The following SGCZ variants were observed in gnomAD, a reference collection of about 807,000 sequenced individuals.
The protein encoded by SGCZ is sarcoglycan zeta, also known as zeta-sarcoglycan.
SGCZ carries 40 observed loss-of-function variants against 41.3 expected under a neutral mutation model. That is an observed-to-expected ratio of 0.97 (90% CI 0.75 to 1.26). The LOEUF (loss-of-function observed/expected upper bound fraction) is 1.26. Ranked by LOEUF, SGCZ falls within the 50% of genes most tolerant of loss-of-function variation. The pLI, the probability that SGCZ is intolerant of heterozygous loss-of-function variation, is 0.00. For missense variants in SGCZ, 552 were observed against 369.8 expected (o/e 1.49, Z -4.04); for synonymous variants, 206 against 137.5 (o/e 1.50, Z -3.49).
At chr8:15,092,665 T>C (rs910168586) in intron 1 of SGCZ, among the ~76,000 whole-genome samples, 7 of 152,198 alleles carry the variant, frequency 4.6e-5, no homozygotes, top group Non-Finnish European at 4.4e-5. Context: ...ATCTTCTTAA[T>C]ATGACTTTTA....
chr8:14,942,396 A>T (rs907895642), intron 1 of SGCZ, among the ~76,000 whole-genome samples: 4 of 152,174 alleles, frequency 2.6e-5, no homozygotes, highest in Admixed American at 2.0e-4. Context: ...ACTAGTTAGT[A>T]GCAGTTAGCA....
chr8:14,198,601 A>AG (rs1382583094), intron 4 of SGCZ, among the ~76,000 whole-genome samples: 1 of 151,788 alleles, frequency 6.6e-6, no homozygotes, highest in Non-Finnish European at 1.5e-5. Context: ...TAAAAGTTGA[A>AG]AAAAAAGAGG....
At chr8:14,145,543 T>G (rs1421151271) in intron 5 of SGCZ, among the ~76,000 whole-genome samples, 1 of 152,112 alleles carries the variant, frequency 6.6e-6, no homozygotes, top group African/African-American at 2.4e-5. Flanking sequence ...AAGAACATTG[T>G]TAATATCAAC....
chr8:14,979,858 G>C (rs544568335), intron 1 of SGCZ, among the ~76,000 whole-genome samples: 3 of 152,064 alleles, frequency 2.0e-5, no homozygotes, highest in African/African-American at 7.2e-5. Flanking sequence ...TTTCCCTTTA[G>C]GGCATAGTAA....
intron 4 of SGCZ, among the ~76,000 whole-genome samples, chr8:14,202,744 T>A (rs1196086565): frequency 2.0e-5 from 3 of 152,176 alleles, no homozygotes; most frequent in Admixed American, 6.6e-5. Context: ...GTTTACAAAG[T>A]CATCTTCTTC....
At chr8:14,577,899 T>A in intron 1 of SGCZ, among the ~76,000 whole-genome samples, 2 of 152,232 alleles carry the variant, frequency 1.3e-5, no homozygotes, top group East Asian at 3.8e-4. Flanking sequence ...TAAACACTTA[T>A]TTAATAAATG....
At chr8:14,537,230 C>T (rs1316743752) in intron 2 of SGCZ, among the ~76,000 whole-genome samples, 1 of 151,882 alleles carries the variant, frequency 6.6e-6, no homozygotes, top group Non-Finnish European at 1.5e-5. Flanking sequence ...TAATTTCTGT[C>T]ATCTTGGGAG....
chr8:14,207,043 T>A (rs1055068907), intron 4 of SGCZ, among the ~76,000 whole-genome samples: 1 of 139,416 alleles, frequency 7.2e-6, no homozygotes, highest in African/African-American at 2.7e-5. Context: ...ATTTTGTGAA[T>A]AGCTGCTTAA....
At chr8:14,612,714 T>A (rs1046924403) in intron 1 of SGCZ, among the ~76,000 whole-genome samples, 9 of 152,110 alleles carry the variant, frequency 5.9e-5, no homozygotes, top group African/African-American at 2.2e-4. Flanking sequence ...TTTAAAAGAC[T>A]CTCACTCTGT....
rs140929352 is a variant in SGCZ at position 14,987,846 on chromosome 8, A to C, written c.39+249739T>G. Reference sequence around the variant, plus strand: ...CATTGCATAAAGTTACATATCAATTAATACGTGTATTAAATTGCCAGTAGT... The same window carrying C: ...CATTGCATAAAGTTACATATCAATTCATACGTGTATTAAATTGCCAGTAGT... On this transcript the variant is annotated intron_variant, in intron 1 of 7. Coordinates refer to ENST00000382080, the MANE Select transcript of SGCZ (RefSeq NM_139167.4). Among the ~76,000 whole-genome samples the C allele has an allele frequency of 8.3e-3, 1,268 of 152,128 alleles. 25 individuals carry two copies. Among genetic ancestry groups the C allele is most frequent in the African/African-American group, 0.028 (1,184 of 41,550 alleles).
intron 1 of SGCZ, among the ~76,000 whole-genome samples, chr8:14,982,194 T>C (rs961584881): frequency 2.6e-5 from 4 of 151,006 alleles, no homozygotes; most frequent in African/African-American, 4.9e-5. Context: ...TATTTGAAAA[T>C]ACAATTAAGA....
intron 2 of SGCZ, among the ~76,000 whole-genome samples, chr8:14,396,908 G>A (rs748660543): frequency 1.3e-5 from 2 of 152,036 alleles, no homozygotes; most frequent in Non-Finnish European, 2.9e-5. Flanking sequence ...TTATTGCAGG[G>A]AGCTTAGGTT....
At chr8:14,199,913 G>C (rs1158787466) in intron 4 of SGCZ, among the ~76,000 whole-genome samples, 1 of 152,120 alleles carries the variant, frequency 6.6e-6, no homozygotes, top group Admixed American at 6.6e-5. Flanking sequence ...AATAAAATTT[G>C]ATACTAGTTT....
chr8:14,987,870 G>A (rs1276658002), intron 1 of SGCZ, among the ~76,000 whole-genome samples: 1 of 151,986 alleles, frequency 6.6e-6, no homozygotes, highest in African/African-American at 2.4e-5. Flanking sequence ...ATTGCCAGTA[G>A]TGTTTTGAAA....
chr8:14,746,701 T>C (rs888573584), intron 1 of SGCZ, among the ~76,000 whole-genome samples: 1 of 152,174 alleles, frequency 6.6e-6, no homozygotes, highest in African/African-American at 2.4e-5. Context: ...TCATCATGAT[T>C]ATATGGTGAC....
Position 14,573,189 on chromosome 8 carries a change from C to CTTT in SGCZ, c.40-18266_40-18264dup, listed in dbSNP as rs35000758. 2.0e-3 allele frequency among the ~76,000 whole-genome samples: 150 copies of CTTT among 76,494 alleles called. 3 individuals carry two copies. Among genetic ancestry groups the CTTT allele is most frequent in the African/African-American group, 7.5e-3 (140 of 18,726 alleles). The allele number at this position is 76,494 out of a possible 152,430, so 50.2% of individuals were successfully genotyped here. On this transcript the variant is annotated intron_variant, in intron 1 of 7. Coordinates refer to ENST00000382080, the MANE Select transcript of SGCZ (RefSeq NM_139167.4). Reference sequence around the variant, plus strand: ...TTGCCTCCAAGCTTTCTTAGCAAGTCTTTTTTTTTTTTTTTTTTTTTTTTT... The same window carrying CTTT: ...TTGCCTCCAAGCTTTCTTAGCAAGTCTTTTTTTTTTTTTTTTTTTTTTTTTTTT...
At chr8:14,433,330 G>A (rs1225162793) in intron 2 of SGCZ, among the ~76,000 whole-genome samples, 3 of 152,160 alleles carry the variant, frequency 2.0e-5, no homozygotes, top group Non-Finnish European at 2.9e-5. Flanking sequence ...TCCACTCTGT[G>A]CTAGATATTA....
intron 1 of SGCZ, among the ~76,000 whole-genome samples, chr8:14,740,289 A>G (rs1353987358): frequency 6.6e-6 from 1 of 152,048 alleles, no homozygotes; most frequent in Admixed American, 6.6e-5. Flanking sequence ...TGCTAATTCC[A>G]GGGAAGGATC....
chr8:14,297,818 G>T (rs565419599), intron 3 of SGCZ, among the ~76,000 whole-genome samples: 2 of 151,896 alleles, frequency 1.3e-5, no homozygotes, highest in African/African-American at 4.8e-5. Flanking sequence ...AAGTCGCTTT[G>T]TTGGGAAACT....
Sources: gnomAD v4.1 joint callset for allele counts (sites outside exome capture counted in the v4.1 genomes callset) on GRCh38, gnomAD v4.1.1 for gene constraint, MANE v1.5 for transcripts, NCBI Gene and HGNC (gene_info 2026-07-23, HGNC 2026-07-21) for gene names.